Variants in FGD4 observed in about 807,000 individuals in gnomAD.
FGD4 encodes the protein FYVE, RhoGEF and PH domain-containing protein 4.
Under a neutral mutation model 102.0 loss-of-function variants are expected in FGD4, and 42 were observed. That is an observed-to-expected ratio of 0.41 (90% CI 0.32 to 0.53). The LOEUF is 0.53. Ranked by LOEUF, FGD4 falls within the 20% of genes least tolerant of loss-of-function variation. The pLI, the probability that FGD4 is intolerant of heterozygous loss-of-function variation, is 0.21. For missense variants in FGD4, 902 were observed against 1,078.2 expected (o/e 0.84, Z 2.29); for synonymous variants, 380 against 375.7 (o/e 1.01, Z -0.13).
chr12:32,448,264 G>T (rs1239990835), intron 1 of FGD4, among the ~76,000 whole-genome samples: 1 of 152,160 alleles, frequency 6.6e-6, no homozygotes, highest in Non-Finnish European at 1.5e-5. Flanking sequence ...GAGGTATTAG[G>T]ATGGATAGAT....
rs537475758 is a variant in FGD4, at chr12:32,572,071, C to A, written c.320-4195C>A. 7.3e-4 allele frequency among the ~76,000 whole-genome samples: 111 copies of A among 151,784 alleles called. 2 individuals carry two copies. Among genetic ancestry groups the A allele is most frequent in the African/African-American group, 2.6e-3 (109 of 41,294 alleles). ...CAGAGCAAGACCATCTGTGTGCGTG[C>A]GTGTGTGTATGTATGTTTACACACA... On this transcript the variant is annotated intron_variant, in intron 2 of 16. Coordinates refer to ENST00000534526, the MANE Select transcript of FGD4 (RefSeq NM_001370298.3).
chr12:32,453,125 A>G (rs1312972889), intron 1 of FGD4, among the ~76,000 whole-genome samples: 2 of 148,988 alleles, frequency 1.3e-5, no homozygotes, highest in Non-Finnish European at 3.0e-5. Flanking sequence ...ACATCCAAAT[A>G]GTTTTATGTA....
chr12:32,576,587 A>G (rs756801805), intron 3 of FGD4, 138 bp downstream of exon 3: 6 of 948,934 alleles, frequency 6.3e-6, no homozygotes, highest in Non-Finnish European at 9.8e-6. Flanking sequence ...AGAAAGGGTG[A>G]ATTTTTAAAA....
In FGD4 at chr12:32,619,851, A is replaced by G; in HGVS notation, c.1903A>G (p.Thr635Ala). Reference sequence around the variant, plus strand: ...TTTCCAGGTGTCTGGGAAAGAGAGAACACTGGAACTGCAGGCCAGGTAAGG... The same window carrying G: ...TTTCCAGGTGTCTGGGAAAGAGAGAGCACTGGAACTGCAGGCCAGGTAAGG... The part of the protein sequence containing the change: ...HTFQVSGKER[T>A]LELQASSAQD... Residue 635 changes from threonine to alanine, a missense_variant, in exon 11 of 17, where the codon ACA becomes GCA. Physicochemically the swap from Thr to Ala is moderately conservative, Grantham distance 58 (BLOSUM62 0). Around this residue, in one of 2 missense-constraint regions of FGD4, gnomAD observed 459 missense variants for 619.0 expected, o/e 0.74. Transcript: ENST00000534526. The G allele has an allele frequency of 6.2e-7, 1 of 1,614,202 alleles. No individual in the cohort carries two copies. The highest frequency in any genetic ancestry group is 8.5e-7 in the Non-Finnish European group (1 of 1,180,036).
chr12:32,513,194 G>C (rs758100069), intron 1 of FGD4, among the ~76,000 whole-genome samples: 6 of 152,096 alleles, frequency 3.9e-5, no homozygotes, highest in Non-Finnish European at 7.4e-5. Context: ...CGTCACCTTG[G>C]AGATTTTAGG....
chr12:32,422,426 G>A (rs1320954907), intron 1 of FGD4, among the ~76,000 whole-genome samples: 1 of 148,790 alleles, frequency 6.7e-6, no homozygotes, highest in African/African-American at 2.5e-5. Context: ...AGCCTCCCAA[G>A]TAGCTGGGAC....
At chr12:32,528,113 AT>A (rs1941441434) in intron 1 of FGD4, among the ~76,000 whole-genome samples, 1 of 151,608 alleles carries the variant, frequency 6.6e-6, no homozygotes, top group South Asian at 2.1e-4. Context: ...TGATTTTTGT[AT>A]TTTTAGTAGA....
At chr12:32,412,062 C>CA (rs1183506122) in intron 1 of FGD4, among the ~76,000 whole-genome samples, 1 of 152,174 alleles carries the variant, frequency 6.6e-6, no homozygotes, top group East Asian at 1.9e-4. Context: ...CCCAGTATCC[C>CA]AATGGGGCCC....
chr12:32,626,512 C>G (rs975118412), intron 14 of FGD4, among the ~76,000 whole-genome samples: 1 of 150,674 alleles, frequency 6.6e-6, no homozygotes, highest in Non-Finnish European at 1.5e-5. Context: ...GGAAAAACTT[C>G]AGACAGTGAA....
chr12:32,553,215 C>A (rs1943845344), intron 1 of FGD4, among the ~76,000 whole-genome samples: 1 of 152,082 alleles, frequency 6.6e-6, no homozygotes, highest in South Asian at 2.1e-4. Flanking sequence ...TGTAGCAATA[C>A]ACAGTCTTCT....
chr12:32,449,402 A>G (rs1022620171), intron 1 of FGD4, among the ~76,000 whole-genome samples: 7 of 152,222 alleles, frequency 4.6e-5, no homozygotes, highest in African/African-American at 1.7e-4. Context: ...TTAGGTTCCT[A>G]TAGCCTGGGA....
At chr12:32,624,284 G>C in intron 11 of FGD4, 138 bp from the exon 12 acceptor site, 1 of 688,340 alleles carries the variant, frequency 1.5e-6, no homozygotes, top group Non-Finnish European at 2.5e-6. Context: ...AATTGCCAGA[G>C]ATTAATTTTT....
At chr12:32,494,390 T>C (rs1327398133) in intron 1 of FGD4, among the ~76,000 whole-genome samples, 1 of 152,118 alleles carries the variant, frequency 6.6e-6, no homozygotes, top group Non-Finnish European at 1.5e-5. Flanking sequence ...GATGGTGAGG[T>C]CTTTTACCCA....
intron 2 of FGD4, among the ~76,000 whole-genome samples, chr12:32,575,759 GA>G (rs1946076213): frequency 6.6e-6 from 1 of 152,224 alleles, no homozygotes; most frequent in Non-Finnish European, 1.5e-5. Context: ...ATGGGAAGAA[GA>G]TGCTATATTA....
In FGD4 at chr12:32,620,512, T is replaced by TTTTCTTTC. The variant is rs1169374242; in HGVS notation, c.1922+646_1922+653dup. ...ACATTCCCCTAGCCATAACCATTTTTTTTCTTTCTTTTTTTTTTTTTTTTT... is the reference window on the plus strand; with the variant it reads ...ACATTCCCCTAGCCATAACCATTTTTTTTCTTTCTTTCTTTCTTTTTTTTTTTTTTTTT... On this transcript the variant is annotated intron_variant, in intron 11 of 16. Coordinates refer to ENST00000534526, the MANE Select transcript of FGD4 (RefSeq NM_001370298.3). 1.6e-4 allele frequency among the ~76,000 whole-genome samples: 21 copies of TTTTCTTTC among 129,466 alleles called. 2 individuals are homozygous for TTTTCTTTC. Among genetic ancestry groups the TTTTCTTTC allele is most frequent in the South Asian group, 7.8e-4 (3 of 3,854 alleles). 84.9% of individuals were successfully genotyped at this position (129,466 alleles called of 152,430 possible).
chr12:32,435,917 C>T (rs1198245840), intron 1 of FGD4, among the ~76,000 whole-genome samples: 2 of 152,214 alleles, frequency 1.3e-5, no homozygotes, highest in African/African-American at 4.8e-5. Context: ...CCAATACTTT[C>T]GTGTTCAAAG....
Position 32,640,603 on chromosome 12 carries a change from A to C in FGD4, c.*70A>C. Reference sequence around the variant, plus strand: ...GCTCAAGACATTCCCAGCTCTTCTTACACATCTGCTAGCACTTTATGTTGA... The same window carrying C: ...GCTCAAGACATTCCCAGCTCTTCTTCCACATCTGCTAGCACTTTATGTTGA... On this transcript the variant is annotated 3_prime_UTR_variant, in exon 17 of 17. Coordinates refer to ENST00000534526, the MANE Select transcript of FGD4 (RefSeq NM_001370298.3). 6.2e-7 allele frequency: 1 copy of C among 1,606,206 alleles called. No individual in the cohort carries two copies. The highest frequency in any genetic ancestry group is 1.3e-5 in the African/African-American group (1 of 74,874).
chr12:32,420,794 G>C (rs1002556371), intron 1 of FGD4, among the ~76,000 whole-genome samples: 1 of 152,208 alleles, frequency 6.6e-6, no homozygotes, highest in South Asian at 2.1e-4. Flanking sequence ...CTCCTCAAGG[G>C]CCTCTCAAAG....
At chr12:32,466,157 G>A (rs1457656912) in intron 1 of FGD4, among the ~76,000 whole-genome samples, 1 of 152,060 alleles carries the variant, frequency 6.6e-6, no homozygotes, top group African/African-American at 2.4e-5. Context: ...ACAGTGTATT[G>A]TAAACATAAC....
Sources: allele counts gnomAD v4.1 joint callset (sites outside exome capture counted in the v4.1 genomes callset), GRCh38; gene constraint gnomAD v4.1.1; regional missense constraint gnomAD v4.1.1; transcripts MANE v1.5; gene names NCBI Gene and HGNC (gene_info 2026-07-23, HGNC 2026-07-21).